The following TMC2 variants were observed in gnomAD, a reference collection of about 807,000 sequenced individuals.
TMC2 encodes transmembrane channel like 2.
In TMC2, 102 loss-of-function variants were observed where a neutral mutation model predicts 105.9. That is an observed-to-expected ratio of 0.96 (90% CI 0.82 to 1.14). TMC2 has a LOEUF of 1.14. Among genes scored for constraint, TMC2 ranks in the 50% most tolerant of loss-of-function variants. The pLI is 0.00. For synonymous variants in TMC2, 402 were observed against 422.8 expected (o/e 0.95, Z 0.60); for missense variants, 1,093 against 1,134.3 (o/e 0.96, Z 0.52).
chr20:2,573,124 G>A lies in TMC2; in HGVS notation c.645+855G>A, dbSNP rs1482485756. On this transcript the variant is annotated intron_variant, in intron 5 of 19. Transcript: ENST00000358864. ...CTACAGGTGCACTCCACCACACCCT[G>A]ATAAAACTTTGTTTTTAAAAAATAA... 2.6e-5 allele frequency among the ~76,000 whole-genome samples: 4 copies of A among 151,922 alleles called. No individual in the cohort carries two copies. In the East Asian group the frequency reaches 7.8e-4, roughly 29 times the overall value.
chr20:2,567,498 C>T (rs768357845), intron 4 of TMC2, among the ~76,000 whole-genome samples: 3 of 152,166 alleles, frequency 2.0e-5, no homozygotes, highest in African/African-American at 7.2e-5. Flanking sequence ...AGATGATCAA[C>T]AGGTTTTAAC....
At chr20:2,560,608 T>C (rs950151204) in intron 3 of TMC2, among the ~76,000 whole-genome samples, 11 of 151,710 alleles carry the variant, frequency 7.3e-5, no homozygotes, top group African/African-American at 2.4e-4. Context: ...GAGGCCGAGG[T>C]GGGTGGATCG....
At chr20:2,542,556 G>A (rs1291729038) in intron 2 of TMC2, among the ~76,000 whole-genome samples, 7 of 152,100 alleles carry the variant, frequency 4.6e-5, no homozygotes, top group African/African-American at 9.7e-5. Flanking sequence ...TCTTTATGCC[G>A]AAGTGGCATA....
At chr20:2,546,501 A>G (rs1254827121) in intron 2 of TMC2, among the ~76,000 whole-genome samples, 1 of 152,192 alleles carries the variant, frequency 6.6e-6, no homozygotes, top group Admixed American at 6.5e-5. Flanking sequence ...TAAGCTGTAG[A>G]TCTTGGGCAT....
At chr20:2,551,849 G>A (rs542664754) in intron 2 of TMC2, among the ~76,000 whole-genome samples, 5 of 152,304 alleles carry the variant, frequency 3.3e-5, no homozygotes, top group African/African-American at 9.6e-5. Context: ...TCTTTCACCA[G>A]TATCACACCA....
In TMC2 at chr20:2,637,141, C is replaced by T. The variant is rs181898814; in HGVS notation, c.2386-333C>T. Among the ~76,000 whole-genome samples the T allele has an allele frequency of 3.2e-3, 482 of 152,010 alleles. 2 individuals carry two copies. The highest frequency in any genetic ancestry group is 0.011 in the African/African-American group (461 of 41,480). On this transcript the variant is annotated intron_variant, in intron 18 of 19. Transcript: ENST00000358864. ...TGGTGGCTCACGCCTGTAATCCCAG[C>T]ACTTTGTGAGGCCGAGGCCGGTGGA...
At chr20:2,606,694 C>T (rs894797863) in intron 11 of TMC2, among the ~76,000 whole-genome samples, 7 of 151,870 alleles carry the variant, frequency 4.6e-5, no homozygotes, top group South Asian at 2.1e-4. Context: ...CTATTATACC[C>T]GTGTTGAATC....
chr20:2,559,902 A>G (rs936842260), intron 3 of TMC2, among the ~76,000 whole-genome samples: 1 of 152,192 alleles, frequency 6.6e-6, no homozygotes, highest in African/African-American at 2.4e-5. Flanking sequence ...CCAATGGGCC[A>G]CAGACTCATT....
rs1288258490 is a variant in TMC2, at chr20:2,592,544, G to A, written c.933+136G>A. ...AGGATCCCAGCACTAAGCTAAATGA[G>A]CTTGCAAACCATGTCTCTGCACAGT... is the stretch of plus-strand genomic sequence containing the variant. On this transcript the variant is annotated intron_variant, in intron 8 of 19. Coordinates refer to ENST00000358864, the MANE Select transcript of TMC2 (RefSeq NM_080751.3). The surrounding 1 kb of genome is among the most constrained non-coding windows in gnomAD (Gnocchi z 4.9). The A allele has an allele frequency of 1.5e-6, 1 of 663,776 alleles. No individual in the cohort carries two copies. The highest frequency in any genetic ancestry group is 1.8e-5 in the South Asian group (1 of 56,844). 41.1% of individuals were successfully genotyped at this position (663,776 alleles called of 1,614,324 possible). A position where few individuals can be genotyped will look rare whatever the true frequency, so the allele number is the denominator to read the frequency against.
chr20:2,605,244 A>G (rs1362555112), intron 11 of TMC2, among the ~76,000 whole-genome samples: 1 of 152,226 alleles, frequency 6.6e-6, no homozygotes, highest in Non-Finnish European at 1.5e-5. Flanking sequence ...ATTTGGTGTC[A>G]GAAGTGTCCT....
At chr20:2,633,473 G>T (rs898546482) in intron 17 of TMC2, among the ~76,000 whole-genome samples, 2 of 147,666 alleles carry the variant, frequency 1.4e-5, no homozygotes, top group Non-Finnish European at 3.0e-5. Flanking sequence ...CCTATTGTTT[G>T]CCCCAACTGT....
At chr20:2,627,862 A>G (rs568560024) in intron 17 of TMC2, among the ~76,000 whole-genome samples, 6 of 152,280 alleles carry the variant, frequency 3.9e-5, no homozygotes, top group African/African-American at 1.4e-4. Flanking sequence ...ATCTGTGATC[A>G]TTTTTATTAG....
Position 2,552,794 on chromosome 20 carries a change from G to C in TMC2, c.83-5662G>C, listed in dbSNP as rs979611840. On this transcript the variant is annotated intron_variant, in intron 2 of 19. Transcript: ENST00000358864. ...ACCTCCCAAAGTGCTGGGATTATAG[G>C]CATGAGCCACCGTGACCTGCCAAGT... is the stretch of plus-strand genomic sequence containing the variant. 2.0e-5 allele frequency among the ~76,000 whole-genome samples: 3 copies of C among 152,024 alleles called. No individual in the cohort carries two copies. The East Asian group carries it at 5.8e-4, about 29-fold the overall frequency.
chr20:2,566,951 C>A (rs4815349), intron 4 of TMC2, among the ~76,000 whole-genome samples: 58,620 of 152,108 alleles, frequency 0.39, 12,509 homozygotes, highest in Admixed American at 0.49. Flanking sequence ...GTTCTCCAGC[C>A]AAATACCACA....
intron 11 of TMC2, among the ~76,000 whole-genome samples, chr20:2,604,516 G>A (rs1316120777): frequency 1.3e-5 from 2 of 152,078 alleles, no homozygotes; most frequent in South Asian, 2.1e-4. Context: ...TTATATATTG[G>A]TCTGCTCCCA....
intron 2 of TMC2, among the ~76,000 whole-genome samples, chr20:2,557,017 G>C (rs928953091): frequency 2.0e-5 from 3 of 151,892 alleles, no homozygotes; most frequent in Non-Finnish European, 2.9e-5. Flanking sequence ...TTTTATCTTT[G>C]TCTTTGGTTT....
intron 7 of TMC2, among the ~76,000 whole-genome samples, chr20:2,586,661 TCACTTATCAC>T (rs1160655846): frequency 6.6e-6 from 1 of 152,086 alleles, no homozygotes; most frequent in Non-Finnish European, 1.5e-5. Flanking sequence ...GAGTGAGAAC[TCACTTATCAC>T]CAAGGGGATA....
intron 19 of TMC2, 80 bp downstream of exon 19, chr20:2,637,671 A>C: frequency 1.0e-6 from 1 of 983,278 alleles, no homozygotes; most frequent in Non-Finnish European, 1.6e-6. Context: ...GCGTGAAATC[A>C]GACTGTTCTG....
At chr20:2,554,524 G>A (rs773615406) in intron 2 of TMC2, among the ~76,000 whole-genome samples, 1 of 152,122 alleles carries the variant, frequency 6.6e-6, no homozygotes, top group Non-Finnish European at 1.5e-5. Context: ...TTCTACAGTA[G>A]AAGCTTGGCT....
Sources: allele counts gnomAD v4.1 joint callset (sites outside exome capture counted in the v4.1 genomes callset), GRCh38; gene constraint gnomAD v4.1.1; non-coding constraint Gnocchi (gnomAD v3.1); transcripts MANE v1.5; gene names NCBI Gene and HGNC (gene_info 2026-07-23, HGNC 2026-07-21).